The following GNA12 variants were observed in gnomAD, a reference collection of about 807,000 sequenced individuals.
GNA12 encodes G protein subunit alpha 12, also known as guanine nucleotide-binding protein subunit alpha-12.
In GNA12, 9 loss-of-function variants were observed where a neutral mutation model predicts 26.0. The ratio of observed to expected loss-of-function variants is 0.35; its 90% CI spans 0.21 to 0.60. GNA12 has a LOEUF of 0.60. Ranked by LOEUF, GNA12 falls within the 20% of genes least tolerant of loss-of-function variation. The pLI is 0.78. For synonymous variants in GNA12, 264 were observed against 219.6 expected (o/e 1.20, Z -1.79); for missense variants, 405 against 525.8 (o/e 0.77, Z 2.25).
chr7:2,744,325 C>T (rs1266605838), intron 2 of GNA12, among the ~76,000 whole-genome samples: 1 of 152,184 alleles, frequency 6.6e-6, no homozygotes, highest in Admixed American at 6.5e-5. Flanking sequence ...ACAAAACTTC[C>T]AGAGGAACGA....
At position 2,730,949 on chromosome 7, in the gene GNA12, G is replaced by A. The variant is rs1035596419; in HGVS notation, c.*232C>T. The A allele has an allele frequency of 7.8e-6, 4 of 515,876 alleles. No individual in the cohort carries two copies. The highest frequency in any genetic ancestry group is 3.0e-5 in the East Asian group (1 of 33,264). The allele number at this position is 515,876 out of a possible 1,614,324, so 32.0% of individuals were successfully genotyped here. On this transcript the variant is annotated 3_prime_UTR_variant, in exon 4 of 4. Coordinates refer to ENST00000275364, the MANE Select transcript of GNA12 (RefSeq NM_007353.3). ...TTCCGTATTCACAACATCATCACTC[G>A]GATTTTCAGTAGTTTCACTCGCCCC...
chr7:2,806,950 T>G (rs1225158438), intron 1 of GNA12, among the ~76,000 whole-genome samples: 1 of 152,214 alleles, frequency 6.6e-6, no homozygotes, highest in Non-Finnish European at 1.5e-5. Flanking sequence ...ATACACACAT[T>G]TTTGAGGTTT....
intron 1 of GNA12, among the ~76,000 whole-genome samples, chr7:2,843,614 T>C (rs1779069899): frequency 6.6e-6 from 1 of 150,440 alleles, no homozygotes; most frequent in Non-Finnish European, 1.5e-5. Flanking sequence ...GCCACTGCAC[T>C]CAAGCCTGGG....
At chr7:2,748,491 C>T (rs1790874011) in intron 2 of GNA12, among the ~76,000 whole-genome samples, 1 of 152,052 alleles carries the variant, frequency 6.6e-6, no homozygotes, top group South Asian at 2.1e-4. Flanking sequence ...CTTCCTTACA[C>T]CTTACACAAA....
At chr7:2,834,152 C>T (rs549597335) in intron 1 of GNA12, among the ~76,000 whole-genome samples, 1 of 152,348 alleles carries the variant, frequency 6.6e-6, no homozygotes, top group South Asian at 2.1e-4. Flanking sequence ...CACCACATTA[C>T]AACCACTCCT....
intron 2 of GNA12, among the ~76,000 whole-genome samples, chr7:2,735,301 CA>C (rs2115299569): frequency 6.6e-6 from 1 of 152,330 alleles, no homozygotes; most frequent in East Asian, 1.9e-4. Flanking sequence ...CAGCCCAAGC[CA>C]CCCTTGCCCG....
intron 1 of GNA12, among the ~76,000 whole-genome samples, chr7:2,838,934 C>A (rs1009322905): frequency 3.3e-5 from 5 of 152,304 alleles, no homozygotes; most frequent in Admixed American, 6.5e-5. Context: ...GACAAATCCA[C>A]AATTATAGTT....
At chr7:2,756,768 C>A (rs1000060664) in intron 2 of GNA12, among the ~76,000 whole-genome samples, 4 of 152,126 alleles carry the variant, frequency 2.6e-5, no homozygotes, top group African/African-American at 9.7e-5. Flanking sequence ...TGGAACATCA[C>A]TTTTGTGATT....
intron 2 of GNA12, among the ~76,000 whole-genome samples, chr7:2,780,093 T>TATATATAAAA (rs57390413): frequency 7.7e-6 from 1 of 130,134 alleles, no homozygotes; most frequent in African/African-American, 3.0e-5. Context: ...TATATATATA[T>TATATATAAAA]GCCTGTTTTC....
At position 2,731,403 on chromosome 7, in the gene GNA12, C is replaced by A. The variant is rs751753980; in HGVS notation, c.924G>T (p.Val308=). 1.2e-6 allele frequency: 2 copies of A among 1,613,112 alleles called. No individual in the cohort carries two copies. Among genetic ancestry groups the A allele is most frequent in the Non-Finnish European group, 1.7e-6 (2 of 1,179,292 alleles). ...AGTCCGGGAAGTGCTTCTTGATGCT[C>A]ACGGTCTTCACCTTCTCCACCAGGA... ...MDLLVEKVKT[V]SIKKHFPDFR... is the part of the protein sequence containing the mutation. Residue 308 remains valine (V), a synonymous_variant, in exon 4 of 4, where the codon GTG becomes GTT. Transcript: ENST00000275364. This position sits in a 1 kb window ranked among gnomAD's most constrained non-coding sequence, Gnocchi z 6.0.
At chr7:2,791,636 A>C (rs893772907) in intron 2 of GNA12, among the ~76,000 whole-genome samples, 1 of 152,196 alleles carries the variant, frequency 6.6e-6, no homozygotes, top group African/African-American at 2.4e-5. Context: ...CTGGGGAAGA[A>C]AGACAAGCAA....
At position 2,766,694 on chromosome 7, in the gene GNA12, C is replaced by T. The variant is rs556052809; in HGVS notation, c.525+28234G>A. On this transcript the variant is annotated intron_variant, in intron 2 of 3. Transcript: ENST00000275364. ...AGCCACCGCACCTGGCCAGCTTCCA[C>T]CTCTTAGGCATTGTGAATAAAGTTG... 6.2e-4 allele frequency among the ~76,000 whole-genome samples: 94 copies of T among 152,226 alleles called. 1 individual carries two copies. The highest frequency in any genetic ancestry group is 2.0e-3 in the Admixed American group (30 of 15,288).
chr7:2,813,488 G>C (rs1176219953), intron 1 of GNA12, among the ~76,000 whole-genome samples: 1 of 152,162 alleles, frequency 6.6e-6, no homozygotes, highest in Non-Finnish European at 1.5e-5. Context: ...AGTGATGCCA[G>C]CACAGCGCTC....
chr7:2,786,237 A>G (rs560941872), intron 2 of GNA12, among the ~76,000 whole-genome samples: 5 of 152,246 alleles, frequency 3.3e-5, no homozygotes, highest in Non-Finnish European at 2.9e-5. Context: ...GTAAGATGTC[A>G]TCATTGGGGG....
At chr7:2,789,767 C>A (rs753182947) in intron 2 of GNA12, among the ~76,000 whole-genome samples, 2 of 152,172 alleles carry the variant, frequency 1.3e-5, no homozygotes, top group African/African-American at 4.8e-5. Context: ...CCCCTCCTTG[C>A]TCCTGGTGGT....
At chr7:2,838,948 G>T (rs567922612) in intron 1 of GNA12, among the ~76,000 whole-genome samples, 1 of 152,144 alleles carries the variant, frequency 6.6e-6, no homozygotes. Flanking sequence ...TATAGTTGAG[G>T]ACTCTTAACT....
chr7:2,788,268 G>A (rs544491311), intron 2 of GNA12, among the ~76,000 whole-genome samples: 51 of 152,262 alleles, frequency 3.3e-4, no homozygotes, highest in African/African-American at 1.1e-3. Flanking sequence ...GCTCCTCCCC[G>A]GGACAGTTTG....
At chr7:2,778,649 C>A (rs1268425128) in intron 2 of GNA12, among the ~76,000 whole-genome samples, 2 of 152,186 alleles carry the variant, frequency 1.3e-5, no homozygotes, top group Non-Finnish European at 2.9e-5. Flanking sequence ...AAAAGAAATT[C>A]AAAATCAGAG....
intron 1 of GNA12, among the ~76,000 whole-genome samples, chr7:2,838,605 A>G (rs1778904890): frequency 6.6e-6 from 1 of 152,150 alleles, no homozygotes. Flanking sequence ...CAGTCATAAT[A>G]ATGACTTTAC....
Sources: allele counts gnomAD v4.1 joint callset (sites outside exome capture counted in the v4.1 genomes callset), GRCh38; gene constraint gnomAD v4.1.1; non-coding constraint Gnocchi (gnomAD v3.1); transcripts MANE v1.5; gene names NCBI Gene and HGNC (gene_info 2026-07-23, HGNC 2026-07-21).